The following NELL2 variants were observed in gnomAD, a reference collection of about 807,000 sequenced individuals.
NELL2 encodes neural EGFL like 2, also known as protein kinase C-binding protein NELL2.
NELL2 carries 41 observed loss-of-function variants against 109.6 expected under a neutral mutation model. That is an observed-to-expected ratio of 0.37 (90% CI 0.29 to 0.49). The LOEUF is 0.49. Ranked by LOEUF, NELL2 falls within the 20% of genes least tolerant of loss-of-function variation. The probability of loss-of-function intolerance (pLI) is 0.98; values close to 1 mark genes in which losing one functional copy is unlikely to be tolerated. For synonymous variants in NELL2, 355 were observed against 344.7 expected (o/e 1.03, Z -0.33); for missense variants, 900 against 1,008.3 (o/e 0.89, Z 1.45).
chr12:44,537,321 ATAAC>A (rs1468994392), intron 15 of NELL2, among the ~76,000 whole-genome samples: 8 of 152,304 alleles, frequency 5.3e-5, no homozygotes, highest in African/African-American at 1.9e-4. Flanking sequence ...CTACTATAAA[ATAAC>A]TAAGAACAAT....
chr12:44,853,419 T>C (rs1207536312), intron 2 of NELL2, among the ~76,000 whole-genome samples: 4 of 152,148 alleles, frequency 2.6e-5, no homozygotes, highest in African/African-American at 9.7e-5. Context: ...GTCTGAATTC[T>C]TTAGAGTCAA....
At chr12:44,697,181 A>G (rs909382034) in intron 12 of NELL2, among the ~76,000 whole-genome samples, 3 of 152,202 alleles carry the variant, frequency 2.0e-5, no homozygotes, top group Non-Finnish European at 4.4e-5. Flanking sequence ...ATGGAAATAA[A>G]CGTGAGCTAT....
chr12:44,917,799 T>C (rs1380308216), upstream of NELL2, among the ~76,000 whole-genome samples: 2 of 152,148 alleles, frequency 1.3e-5, no homozygotes, highest in African/African-American at 4.8e-5. Context: ...TAAGGGGTCA[T>C]GTTACAGAAG....
chr12:44,826,424 G>A (rs963351780), intron 2 of NELL2, among the ~76,000 whole-genome samples: 2 of 152,066 alleles, frequency 1.3e-5, no homozygotes, highest in African/African-American at 4.8e-5. Context: ...TATTATGATA[G>A]TTACTCTCCA....
chr12:44,737,713 G>A (rs1045686873), intron 9 of NELL2, among the ~76,000 whole-genome samples: 2 of 151,862 alleles, frequency 1.3e-5, no homozygotes, highest in African/African-American at 2.4e-5. Flanking sequence ...GTCATTATAC[G>A]TGGGTTTTGC....
chr12:44,901,948 C>T (rs914557245), intron 1 of NELL2, among the ~76,000 whole-genome samples: 1 of 152,164 alleles, frequency 6.6e-6, no homozygotes. Flanking sequence ...CAATATTATA[C>T]TGAATGGGCA....
intron 19 of NELL2, among the ~76,000 whole-genome samples, chr12:44,515,613 T>G (rs1228934485): frequency 6.6e-6 from 1 of 151,982 alleles, no homozygotes; most frequent in Non-Finnish European, 1.5e-5. Flanking sequence ...TGAATTTCAC[T>G]ATAATAAATA....
intron 1 of NELL2, among the ~76,000 whole-genome samples, chr12:44,906,525 G>C (rs1371959362): frequency 6.6e-6 from 1 of 152,088 alleles, no homozygotes; most frequent in African/African-American, 2.4e-5. Flanking sequence ...AGAGTGGGTA[G>C]ATATGGTGAG....
chr12:44,756,542 T>C (rs1940898609), intron 9 of NELL2, among the ~76,000 whole-genome samples: 1 of 152,066 alleles, frequency 6.6e-6, no homozygotes. Flanking sequence ...TAATCTGGCG[T>C]CCTTTTCCAG....
chr12:44,814,531 G>A (rs1341294700), intron 3 of NELL2, among the ~76,000 whole-genome samples: 3 of 152,022 alleles, frequency 2.0e-5, no homozygotes, highest in African/African-American at 7.3e-5. Flanking sequence ...AAAACAGACT[G>A]AAGGGAATAG....
chr12:44,613,874 C>T (rs1945718021), intron 13 of NELL2, among the ~76,000 whole-genome samples: 1 of 152,028 alleles, frequency 6.6e-6, no homozygotes, highest in African/African-American at 2.4e-5. Flanking sequence ...ACTCACACTT[C>T]CTTGAGGACT....
intron 15 of NELL2, among the ~76,000 whole-genome samples, chr12:44,585,608 T>C (rs1944465599): frequency 6.6e-6 from 1 of 152,120 alleles, no homozygotes; most frequent in Non-Finnish European, 1.5e-5. Flanking sequence ...AATGTATTGA[T>C]TGAAAGACCT....
upstream of NELL2, among the ~76,000 whole-genome samples, chr12:44,878,061 A>T (rs753792390): frequency 2.0e-5 from 3 of 152,212 alleles, no homozygotes; most frequent in Non-Finnish European, 4.4e-5. Context: ...AAAGAATAAA[A>T]CATAAATATA....
At chr12:44,853,647 G>C (rs1170392377) in intron 2 of NELL2, among the ~76,000 whole-genome samples, 1 of 152,068 alleles carries the variant, frequency 6.6e-6, no homozygotes, top group Admixed American at 6.6e-5. Context: ...GGAATAGAAA[G>C]TATTAACAAA....
intron 9 of NELL2, among the ~76,000 whole-genome samples, chr12:44,751,310 AT>A: frequency 6.6e-6 from 1 of 152,216 alleles, no homozygotes; most frequent in Admixed American, 6.5e-5. Flanking sequence ...GTTAAATGAT[AT>A]TTTGTTCTTT....
chr12:44,876,874 C>G, upstream of NELL2: 1 of 1,292,380 alleles, frequency 7.7e-7, no homozygotes, highest in Non-Finnish European at 9.8e-7. Context: ...GATGGCGAGC[C>G]TGGGAAGCCC....
At chr12:44,792,803 T>A (rs1401427299) in intron 3 of NELL2, among the ~76,000 whole-genome samples, 2 of 152,160 alleles carry the variant, frequency 1.3e-5, no homozygotes, top group Non-Finnish European at 2.9e-5. Flanking sequence ...AGAGCTTTTT[T>A]AAAAGGCAGC....
At chr12:44,744,089 T>C (rs1369159240) in intron 9 of NELL2, among the ~76,000 whole-genome samples, 2 of 152,118 alleles carry the variant, frequency 1.3e-5, no homozygotes, top group Non-Finnish European at 2.9e-5. Context: ...ATAGAAATTA[T>C]AACAAACTGT....
At chr12:44,692,120 T>C (rs1948917501) in intron 12 of NELL2, among the ~76,000 whole-genome samples, 1 of 152,198 alleles carries the variant, frequency 6.6e-6, no homozygotes, top group Non-Finnish European at 1.5e-5. Flanking sequence ...GCTGGCTTCA[T>C]AGTTTCCAAG....
Sources: gnomAD v4.1 joint callset for allele counts (sites outside exome capture counted in the v4.1 genomes callset) on GRCh38, gnomAD v4.1.1 for gene constraint, MANE v1.5 for transcripts, NCBI Gene and HGNC (gene_info 2026-07-23, HGNC 2026-07-21) for gene names.